Variants in SBNO1 observed in about 807,000 individuals in gnomAD.
SBNO1 encodes the protein strawberry notch homolog 1.
SBNO1 carries 23 observed loss-of-function variants against 173.6 expected under a neutral mutation model. That is an observed-to-expected ratio of 0.13 (90% confidence interval 0.10 to 0.19). SBNO1 has a LOEUF of 0.19. SBNO1 is among the 10% of genes least tolerant of loss of function. The pLI is 1.00. For missense variants in SBNO1, 1,238 were observed against 1,671.2 expected (o/e 0.74, Z 4.52); for synonymous variants, 632 against 571.5 (o/e 1.11, Z -1.51).
intron 6 of SBNO1, among the ~76,000 whole-genome samples, chr12:123,335,951 C>T (rs1337648762): frequency 6.6e-6 from 1 of 151,986 alleles, no homozygotes; most frequent in Non-Finnish European, 1.5e-5. Flanking sequence ...TTTATAGAAA[C>T]CAAGACTACA....
In SBNO1 at chr12:123,340,192, C is replaced by T. The variant is rs376099740; in HGVS notation, c.651+796G>A. Among the ~76,000 whole-genome samples the T allele has an allele frequency of 2.0e-5, 3 of 152,102 alleles. No individual in the cohort carries two copies. In the East Asian group the frequency reaches 5.8e-4, roughly 29 times the overall value. On this transcript the variant is annotated intron_variant, in intron 5 of 31. Transcript: ENST00000602398. Reference sequence around the variant, plus strand: ...GTAATAAATATACTTCTTGTAGAAACCTACTACATATTAACAATGTTATAC... The same window carrying T: ...GTAATAAATATACTTCTTGTAGAAATCTACTACATATTAACAATGTTATAC...
intron 5 of SBNO1, among the ~76,000 whole-genome samples, chr12:123,337,591 C>A (rs1872001460): frequency 6.6e-6 from 1 of 151,980 alleles, no homozygotes; most frequent in Non-Finnish European, 1.5e-5. Flanking sequence ...TCAACATTAA[C>A]CTATGGAGTC....
At chr12:123,345,179 C>G in intron 4 of SBNO1, 79 bp downstream of exon 4, 1 of 1,251,902 alleles carries the variant, frequency 8.0e-7, no homozygotes, top group Non-Finnish European at 1.1e-6. Context: ...TCTTTAAAAA[C>G]CCAAGCAAAT....
At chr12:123,298,399 T>C (rs1279522882) in intron 30 of SBNO1, among the ~76,000 whole-genome samples, 1 of 152,068 alleles carries the variant, frequency 6.6e-6, no homozygotes, top group Non-Finnish European at 1.5e-5. Flanking sequence ...CCCGAGTAAC[T>C]GGGACTTTTT....
chr12:123,307,987 G>A (rs1169408328), intron 28 of SBNO1, among the ~76,000 whole-genome samples: 2 of 152,112 alleles, frequency 1.3e-5, no homozygotes, highest in African/African-American at 4.8e-5. Context: ...CAGGAGAATC[G>A]CTTGAACCTG....
At chr12:123,321,822 T>C (rs1593359695) in intron 16 of SBNO1, 90 bp from the exon 17 acceptor site, 3 of 1,084,578 alleles carry the variant, frequency 2.8e-6, no homozygotes, top group South Asian at 1.4e-5. Flanking sequence ...TTAATTCAAA[T>C]GAAAAGTGCA....
At chr12:123,332,061 G>A (rs771134996) in intron 7 of SBNO1, among the ~76,000 whole-genome samples, 2 of 151,640 alleles carry the variant, frequency 1.3e-5, no homozygotes, top group African/African-American at 4.8e-5. Context: ...ACGTTGACCA[G>A]GATGGTCTCG....
rs1273326610 is a variant in SBNO1, at chr12:123,290,061, G to GAAAAA, written c.*5846_*5847insTTTTT. The GAAAAA allele has an allele frequency of 2.6e-5, 4 of 152,232 alleles. No individual in the cohort carries two copies. The highest frequency in any genetic ancestry group is 9.7e-5 in the African/African-American group (4 of 41,448). 9.4% of individuals were successfully genotyped at this position (152,232 alleles called of 1,614,324 possible). ...AGTATCAAAAAGAACCCGCCTTTTT[G>GAAAAA]GGCTTCTTCTTTTCCTTGCTTAGCC... is the stretch of plus-strand genomic sequence containing the variant. On this transcript the variant is annotated 3_prime_UTR_variant, in exon 32 of 32. Coordinates refer to ENST00000602398, the MANE Select transcript of SBNO1 (RefSeq NM_001167856.3).
chr12:123,300,736 C>A (rs1593321848), intron 30 of SBNO1, among the ~76,000 whole-genome samples: 1 of 152,040 alleles, frequency 6.6e-6, no homozygotes, highest in East Asian at 2.0e-4. Context: ...CCGTGGTGGG[C>A]AGATCACAAA....
rs182898623 is a variant in SBNO1 at position 123,301,534 on chromosome 12, A to C, written c.3845+1290T>G. On this transcript the variant is annotated intron_variant, in intron 30 of 31. Coordinates refer to ENST00000602398, the MANE Select transcript of SBNO1 (RefSeq NM_001167856.3). ...ATACTGTAAGAGCATTAACTACTTA[A>C]TGAGGGAGAGAACAATGAGAAGAAA... 5.9e-5 allele frequency among the ~76,000 whole-genome samples: 9 copies of C among 152,318 alleles called. No individual in the cohort carries two copies. The East Asian group carries it at 1.7e-3, about 29-fold the overall frequency.
chr12:123,338,054 G>A (rs1433562384), intron 5 of SBNO1, among the ~76,000 whole-genome samples: 1 of 152,194 alleles, frequency 6.6e-6, no homozygotes, highest in Non-Finnish European at 1.5e-5. Context: ...TAACTCGGGT[G>A]AGGGAGACCA....
At chr12:123,336,520 C>A (rs947425320) in intron 5 of SBNO1, 29 bp from the exon 6 acceptor site, 2 of 1,463,802 alleles carry the variant, frequency 1.4e-6, no homozygotes, top group Admixed American at 2.0e-5. Flanking sequence ...ACAATCAATC[C>A]CAAATCCAGG....
In SBNO1 at chr12:123,345,562, A is replaced by C. The variant is rs1226859023; in HGVS notation, c.246T>G (p.Pro82=). 6.2e-7 allele frequency: 1 copy of C among 1,612,776 alleles called. No individual in the cohort carries two copies. The highest frequency in any genetic ancestry group is 1.7e-5 in the Admixed American group (1 of 59,942). The part of the protein sequence containing the change: ...TPALLNVRQQ[P]PSTTTFVLNQ... ...TCAGCACAAATGTTGTAGTAGATGGAGGCTGCTGCTAGATAGAAAACAAAA... is the reference window on the plus strand; with the variant it reads ...TCAGCACAAATGTTGTAGTAGATGGCGGCTGCTGCTAGATAGAAAACAAAA... Residue 82 remains proline (P), a synonymous_variant, in exon 4 of 32, where the codon CCT becomes CCG. Transcript: ENST00000602398.
Position 123,295,783 on chromosome 12 carries a change from A to G in SBNO1, c.*125T>C. 1 of 1,355,334 alleles carries G rather than the reference A, an allele frequency of 7.4e-7. No homozygotes were observed. The allele number at this position is 1,355,334 out of a possible 1,614,324, so 84.0% of individuals were successfully genotyped here. The stretch of plus-strand genomic sequence containing the variant: ...ATTCCAGGTTTGTCCTTACTCCCAA[A>G]AAAACTAACTAGAGAGCACAACTGA... On this transcript the variant is annotated 3_prime_UTR_variant, in exon 32 of 32. Transcript: ENST00000602398.
chr12:123,314,040 C>T (rs538544957), intron 23 of SBNO1, among the ~76,000 whole-genome samples: 62 of 151,956 alleles, frequency 4.1e-4, no homozygotes, highest in African/African-American at 1.5e-3. Context: ...GCCGAGATGG[C>T]GTCATTGTGC....
At chr12:123,323,069 C>T (rs1360018638) in intron 16 of SBNO1, among the ~76,000 whole-genome samples, 1 of 152,136 alleles carries the variant, frequency 6.6e-6, no homozygotes, top group Non-Finnish European at 1.5e-5. Context: ...CTTCAATGAT[C>T]TCTGTCTATA....
intron 4 of SBNO1, among the ~76,000 whole-genome samples, chr12:123,344,246 G>A (rs563185748): frequency 2.0e-5 from 3 of 152,266 alleles, no homozygotes; most frequent in South Asian, 4.1e-4. Flanking sequence ...GCCAGGTCAG[G>A]GTCACAGTGC....
At chr12:123,333,987 T>C (rs1593380791) in intron 7 of SBNO1, 66 bp downstream of exon 7, 3 of 1,062,502 alleles carry the variant, frequency 2.8e-6, no homozygotes, top group Non-Finnish European at 3.9e-6. Context: ...TACCTTTAGA[T>C]TGAAACAACT....
chr12:123,322,292 CCAGAT>C (rs1870070807), intron 16 of SBNO1, among the ~76,000 whole-genome samples: 1 of 151,670 alleles, frequency 6.6e-6, no homozygotes, highest in Admixed American at 6.6e-5. Flanking sequence ...GCAACCATGA[CCAGAT>C]ATTTTTTTTT....
Sources: gnomAD v4.1 joint callset for allele counts (sites outside exome capture counted in the v4.1 genomes callset) on GRCh38, gnomAD v4.1.1 for gene constraint, MANE v1.5 for transcripts, NCBI Gene and HGNC (gene_info 2026-07-23, HGNC 2026-07-21) for gene names.